SIMC1: variants seen among roughly 807,000 people sequenced by gnomAD.
SIMC1 encodes SUMO-interacting motif-containing protein 1.
In SIMC1, 55 loss-of-function variants were observed where a neutral mutation model predicts 82.3. The ratio of observed to expected loss-of-function variants is 0.67; its 90% CI spans 0.54 to 0.84. The LOEUF is 0.84. Among genes scored for constraint, SIMC1 ranks in the 40% least tolerant of loss-of-function variants. The pLI is 0.00. For synonymous variants in SIMC1, 353 were observed against 426.3 expected, an observed-to-expected ratio of 0.83 and a Z score of 2.12; for missense variants, 915 against 1,107.2, an observed-to-expected ratio of 0.83 and a Z score of 2.46.
At chr5:176,342,560 G>A (rs1042894834) in intron 9 of SIMC1, among the ~76,000 whole-genome samples, 29 of 152,130 alleles carry the variant, frequency 1.9e-4, no homozygotes, top group Admixed American at 1.6e-3. Context: ...GGCTGCACCC[G>A]GGAAGGACTT....
intron 4 of SIMC1, among the ~76,000 whole-genome samples, chr5:176,307,867 G>A (rs1015207042): frequency 2.6e-5 from 4 of 152,142 alleles, no homozygotes; most frequent in Non-Finnish European, 5.9e-5. Context: ...AAATTTATTT[G>A]CCCTATCTAT....
chr5:176,323,476 A>G (rs1461805838), intron 6 of SIMC1, among the ~76,000 whole-genome samples: 2 of 152,228 alleles, frequency 1.3e-5, no homozygotes, highest in Non-Finnish European at 2.9e-5. Context: ...TCCCTGTGAG[A>G]TATTTTATAT....
intron 7 of SIMC1, among the ~76,000 whole-genome samples, chr5:176,328,558 C>A (rs370859747): frequency 6.6e-6 from 1 of 151,820 alleles, no homozygotes; most frequent in Admixed American, 6.6e-5. Context: ...AAAAATCAGA[C>A]CTGGGCAATG....
chr5:176,274,702 C>T (rs1265336867), intron 1 of SIMC1, among the ~76,000 whole-genome samples: 3 of 151,794 alleles, frequency 2.0e-5, no homozygotes, highest in East Asian at 3.8e-4. Flanking sequence ...AGGAAGGGAT[C>T]CAGTTTCAGC....
chr5:176,279,331 AT>A (rs550064564), intron 1 of SIMC1, among the ~76,000 whole-genome samples: 287 of 152,022 alleles, frequency 1.9e-3, no homozygotes, highest in African/African-American at 6.7e-3. Flanking sequence ...CCCCTTTATC[AT>A]TTTTTATTGC....
At chr5:176,340,569 A>G (rs1250446085) in intron 9 of SIMC1, among the ~76,000 whole-genome samples, 1 of 152,186 alleles carries the variant, frequency 6.6e-6, no homozygotes, top group Non-Finnish European at 1.5e-5. Flanking sequence ...GAAAAGCAGA[A>G]GCAGGTAGGA....
rs181679090 is a variant in SIMC1 at position 176,331,355 on chromosome 5, G to A, written c.2172-5365G>A. On this transcript the variant is annotated intron_variant, in intron 7 of 9. Coordinates refer to ENST00000429602, the MANE Select transcript of SIMC1 (RefSeq NM_001308195.2). ...ACTGCACTCCAGCCTGGGCGACAGA[G>A]CGAGACTCTGTCTAAAAAAAAAAAA... is the stretch of plus-strand genomic sequence containing the variant. 2.8e-3 allele frequency among the ~76,000 whole-genome samples: 367 copies of A among 133,316 alleles called. 3 individuals carry two copies. The highest frequency in any genetic ancestry group is 9.2e-3 in the African/African-American group (346 of 37,712). The allele number at this position is 133,316 out of a possible 152,430, so 87.5% of individuals were successfully genotyped here. A position where few individuals can be genotyped will look rare whatever the true frequency, so the allele number is the denominator to read the frequency against.
Position 176,345,468 on chromosome 5 carries a change from C to T in SIMC1, c.*23C>T, listed in dbSNP as rs773735760. 3 of 1,598,028 alleles carry T rather than the reference C, an allele frequency of 1.9e-6. No homozygotes were observed. Among genetic ancestry groups the T allele is most frequent in the Non-Finnish European group, 2.6e-6 (3 of 1,171,952 alleles). ...TGAGGGCCTGCCAAGCACTGAATGC[C>T]AAGAATACCTCCTGAACTCTCTCTC... On this transcript the variant is annotated 3_prime_UTR_variant, in exon 10 of 10. Coordinates refer to ENST00000429602, the MANE Select transcript of SIMC1 (RefSeq NM_001308195.2).
chr5:176,246,658 C>T (rs1037107437), intron 1 of SIMC1, among the ~76,000 whole-genome samples: 12 of 151,840 alleles, frequency 7.9e-5, no homozygotes, highest in Admixed American at 7.2e-4. Context: ...ATGTGCAGAA[C>T]GTGCAGGTTT....
At chr5:176,308,841 C>A in intron 4 of SIMC1, 4 of 1,248,412 alleles carry the variant, frequency 3.2e-6, no homozygotes, top group Non-Finnish European at 4.7e-6. Flanking sequence ...GGACTCATAA[C>A]CAAGATCCAT....
intron 1 of SIMC1, among the ~76,000 whole-genome samples, chr5:176,273,749 G>C (rs1338987488): frequency 3.3e-5 from 5 of 152,072 alleles, no homozygotes; most frequent in Non-Finnish European, 7.4e-5. Context: ...GTGAGAATAT[G>C]CGGTGTTTGG....
rs755766245 is a variant in SIMC1, at chr5:176,290,613, C to T, written c.1089C>T (p.Ile363=). The change falls in exon 2 of 10, where the codon ATC becomes ATT. Residue 363 remains isoleucine, a synonymous_variant. Transcript: ENST00000429602. ...SGDVTHSPRD[I]PHLPGDRPDF... ...ACGTGACACACTCACCTAGAGACAT[C>T]CCTCACTTACCAGGAGACAGGCCTG... is the stretch of plus-strand genomic sequence containing the variant. The T allele has an allele frequency of 1.2e-6, 2 of 1,613,946 alleles. No individual in the cohort carries two copies. The highest frequency in any genetic ancestry group is 1.7e-5 in the Admixed American group (1 of 60,022).
intron 1 of SIMC1, among the ~76,000 whole-genome samples, chr5:176,284,065 CAAT>C (rs1269028621): frequency 1.3e-5 from 2 of 152,136 alleles, no homozygotes; most frequent in Non-Finnish European, 2.9e-5. Flanking sequence ...GACTCCCACA[CAAT>C]AATAATGGGA....
chr5:176,337,153 A>C lies in SIMC1; in HGVS notation c.2413+7A>C, dbSNP rs183975766. 5.5e-5 allele frequency: 88 copies of C among 1,613,136 alleles called. 2 individuals carry two copies. In the Middle Eastern group the frequency reaches 8.3e-4, roughly 15 times the overall value. ...TATCAACATGTTTTAAGAGGTAAGG[A>C]GCATTTGTTCACAAGTGGAGTAGTG... On this transcript the variant is annotated splice_region_variant and intron_variant, in intron 9 of 9. Transcript: ENST00000429602.
At chr5:176,304,590 GCCT>G (rs1188877367) in intron 4 of SIMC1, among the ~76,000 whole-genome samples, 1 of 148,686 alleles carries the variant, frequency 6.7e-6, no homozygotes, top group African/African-American at 2.5e-5. Flanking sequence ...CGAGATTGCA[GCCT>G]CTGCCCGGCC....
chr5:176,248,921 T>TGATC (rs1761548297), intron 1 of SIMC1, among the ~76,000 whole-genome samples: 1 of 152,202 alleles, frequency 6.6e-6, no homozygotes, highest in African/African-American at 2.4e-5. Flanking sequence ...TTGCATATGT[T>TGATC]GATCCAGCCT....
At chr5:176,262,499 A>G (rs1016156313) in intron 1 of SIMC1, among the ~76,000 whole-genome samples, 7 of 152,180 alleles carry the variant, frequency 4.6e-5, no homozygotes, top group Admixed American at 4.6e-4. Flanking sequence ...CAAAAAAAGA[A>G]AACAGAAGAA....
intron 4 of SIMC1, among the ~76,000 whole-genome samples, chr5:176,311,086 A>C (rs1764644576): frequency 1.3e-5 from 2 of 152,282 alleles, no homozygotes; most frequent in South Asian, 4.1e-4. Flanking sequence ...TGGAAAGGGA[A>C]CTGTAAGTGC....
chr5:176,283,488 A>C (rs996719873), intron 1 of SIMC1, among the ~76,000 whole-genome samples: 10 of 152,248 alleles, frequency 6.6e-5, no homozygotes, highest in Non-Finnish European at 1.5e-4. Flanking sequence ...AGATTTTGTC[A>C]CCACCAGGCC....
Sources: allele counts gnomAD v4.1 joint callset (sites outside exome capture counted in the v4.1 genomes callset), GRCh38; gene constraint gnomAD v4.1.1; transcripts MANE v1.5; gene names NCBI Gene and HGNC (gene_info 2026-07-23, HGNC 2026-07-21).